Variants in NTRK2 observed in about 807,000 individuals in gnomAD.
The protein encoded by NTRK2 is BDNF/NT-3 growth factors receptor.
Under a neutral mutation model 94.5 loss-of-function variants are expected in NTRK2, and 13 were observed. That is an observed-to-expected ratio of 0.14 (90% confidence interval 0.09 to 0.22). The LOEUF (loss-of-function observed/expected upper bound fraction) is 0.22. NTRK2 is among the 10% of genes least tolerant of loss of function. NTRK2 has a pLI of 1.00. For missense variants in NTRK2, 639 were observed against 1,071.2 expected, an observed-to-expected ratio of 0.60 and a Z score of 5.63; for synonymous variants, 372 against 407.4, an observed-to-expected ratio of 0.91 and a Z score of 1.05.
chr9:84,739,814 G>C (rs1239548857), intron 9 of NTRK2, among the ~76,000 whole-genome samples: 1 of 152,140 alleles, frequency 6.6e-6, no homozygotes, highest in African/African-American at 2.4e-5. Context: ...AACTTGTAAG[G>C]AATCCTCTTA....
At chr9:84,670,033 A>C (rs1322687083) in intron 1 of NTRK2, 145 bp downstream of exon 1, 3 of 160,260 alleles carry the variant, frequency 1.9e-5, no homozygotes, top group Non-Finnish European at 2.8e-5. Flanking sequence ...CTGCAGCATC[A>C]TTCGGGGGCC....
chr9:84,953,608 C>G (rs7854754), intron 16 of NTRK2, among the ~76,000 whole-genome samples: 3,232 of 152,282 alleles, frequency 0.021, 51 homozygotes, highest in Non-Finnish European at 0.033. Flanking sequence ...CTCAATGTGA[C>G]AAGAGGCAGC....
intron 14 of NTRK2, chr9:84,876,536 T>C (rs556065163): frequency 1.9e-6 from 2 of 1,056,030 alleles, no homozygotes; most frequent in African/African-American, 3.3e-5. Flanking sequence ...ACTCATGTTC[T>C]TACCTTCTAT....
chr9:85,009,398 A>G (rs1831319480), intron 17 of NTRK2, among the ~76,000 whole-genome samples: 1 of 152,200 alleles, frequency 6.6e-6, no homozygotes, highest in African/African-American at 2.4e-5. Flanking sequence ...TTTGAGAAGC[A>G]CAGGGCTACA....
intron 17 of NTRK2, among the ~76,000 whole-genome samples, chr9:84,993,876 G>A (rs1829403575): frequency 6.6e-6 from 1 of 152,128 alleles, no homozygotes; most frequent in African/African-American, 2.4e-5. Context: ...TTCACCTGGT[G>A]AATTCTTGCT....
intron 11 of NTRK2, among the ~76,000 whole-genome samples, chr9:84,745,277 A>T (rs554044259): frequency 6.6e-6 from 1 of 152,316 alleles, no homozygotes; most frequent in Admixed American, 6.5e-5. Context: ...GCTTTTGTGC[A>T]CCACTTTTGG....
intron 12 of NTRK2, among the ~76,000 whole-genome samples, chr9:84,757,549 C>T (rs558267700): frequency 3.0e-4 from 46 of 152,282 alleles, no homozygotes; most frequent in Non-Finnish European, 4.6e-4. Flanking sequence ...CTGCCTCTTA[C>T]GAGCTATGTG....
chr9:84,800,496 T>C (rs1357428684), intron 12 of NTRK2, among the ~76,000 whole-genome samples: 1 of 152,218 alleles, frequency 6.6e-6, no homozygotes, highest in Non-Finnish European at 1.5e-5. Flanking sequence ...CCACCGTGCC[T>C]GGCCAAGATG....
intron 17 of NTRK2, among the ~76,000 whole-genome samples, chr9:85,014,332 G>A (rs1231151773): frequency 2.0e-5 from 3 of 152,148 alleles, no homozygotes; most frequent in Non-Finnish European, 4.4e-5. Context: ...CTCCTCTCTC[G>A]TCTCCACGTA....
In NTRK2 at chr9:85,022,001, GT is replaced by G; in HGVS notation, c.*569del. ...ATTTATTATTATTACTGTTCTTATTGTTTTTGGATGGCTTAAGCCTGTGTAT... is the reference window on the plus strand; with the variant it reads ...ATTTATTATTATTACTGTTCTTATTGTTTTGGATGGCTTAAGCCTGTGTAT... On this transcript the variant is annotated 3_prime_UTR_variant, in exon 19 of 19. Transcript: ENST00000277120. The G allele has an allele frequency of 4.2e-6, 1 of 237,434 alleles. No homozygotes were observed. The highest frequency in any genetic ancestry group is 8.3e-6 in the Non-Finnish European group (1 of 120,662). The allele number at this position is 237,434 out of a possible 1,614,324, so 14.7% of individuals were successfully genotyped here. A position where few individuals can be genotyped will look rare whatever the true frequency, so the allele number is the denominator to read the frequency against.
At chr9:84,703,684 C>T (rs1002513450) in intron 4 of NTRK2, among the ~76,000 whole-genome samples, 7 of 152,162 alleles carry the variant, frequency 4.6e-5, no homozygotes, top group African/African-American at 1.7e-4. Flanking sequence ...ATCATAGCTT[C>T]ATATTTTATA....
chr9:84,713,313 A>T lies in NTRK2; in HGVS notation c.583+2522A>T, dbSNP rs147740168. On this transcript the variant is annotated intron_variant, in intron 6 of 18. Coordinates refer to ENST00000277120, the MANE Select transcript of NTRK2 (RefSeq NM_006180.6). ...TGAAAGTGATAAATATTCTCTTTTT[A>T]AAAAAGTCTATAATACTGAAATATT... Among the ~76,000 whole-genome samples the T allele has an allele frequency of 5.6e-3, 849 of 152,210 alleles. 8 individuals carry two copies. Among genetic ancestry groups the T allele is most frequent in the Non-Finnish European group, 0.01 (702 of 68,004 alleles).
chr9:84,746,480 C>A (rs2064085332), intron 11 of NTRK2, among the ~76,000 whole-genome samples: 1 of 152,200 alleles, frequency 6.6e-6, no homozygotes, highest in African/African-American at 2.4e-5. Context: ...CTGGTCTTTT[C>A]CCACACAGCA....
intron 17 of NTRK2, among the ~76,000 whole-genome samples, chr9:84,973,771 G>A (rs780805753): frequency 8.5e-5 from 13 of 152,108 alleles, no homozygotes; most frequent in African/African-American, 2.7e-4. Context: ...AGTCCTTTCA[G>A]CTCTAAAAGT....
chr9:84,848,078 G>T (rs2131852668), intron 12 of NTRK2, among the ~76,000 whole-genome samples: 1 of 76,706 alleles, frequency 1.3e-5, no homozygotes, highest in African/African-American at 6.5e-5. Flanking sequence ...GTAGAGAGGG[G>T]CAGAGAGAGA....
chr9:85,025,697 CCT>C lies in NTRK2; in HGVS notation c.*4261_*4262del, dbSNP rs1195862324. Reference sequence around the variant, plus strand: ...TGCTTCCCCATTTTCTTTTTCATCCCCTGTCTCAGGACTTTTATTTTCAATGT... The same window carrying C: ...TGCTTCCCCATTTTCTTTTTCATCCCGTCTCAGGACTTTTATTTTCAATGT... On this transcript the variant is annotated 3_prime_UTR_variant, in exon 19 of 19. Coordinates refer to ENST00000277120, the MANE Select transcript of NTRK2 (RefSeq NM_006180.6). 3 of 233,140 alleles carry C rather than the reference CCT, an allele frequency of 1.3e-5. No homozygotes were observed. The highest frequency in any genetic ancestry group is 1.7e-5 in the Non-Finnish European group (2 of 117,980). The allele number at this position is 233,140 out of a possible 1,614,324, so 14.4% of individuals were successfully genotyped here.
At chr9:84,908,538 A>G (rs922171212) in intron 14 of NTRK2, among the ~76,000 whole-genome samples, 1 of 152,204 alleles carries the variant, frequency 6.6e-6, no homozygotes, top group African/African-American at 2.4e-5. Flanking sequence ...TATTTCTCTC[A>G]TTTGCAGCAA....
intron 14 of NTRK2, chr9:84,872,662 A>G (rs983691213): frequency 1.9e-5 from 20 of 1,064,590 alleles, no homozygotes; most frequent in Non-Finnish European, 2.3e-5. Context: ...AATTTTCTCC[A>G]GAGTGTGCCA....
At chr9:84,908,390 A>G (rs950778130) in intron 14 of NTRK2, among the ~76,000 whole-genome samples, 1 of 151,874 alleles carries the variant, frequency 6.6e-6, no homozygotes, top group African/African-American at 2.4e-5. Flanking sequence ...ATGAACATCT[A>G]TTACTTTTGT....
Sources: allele counts gnomAD v4.1 joint callset (sites outside exome capture counted in the v4.1 genomes callset), GRCh38; gene constraint gnomAD v4.1.1; transcripts MANE v1.5; gene names NCBI Gene and HGNC (gene_info 2026-07-23, HGNC 2026-07-21).